Variants in DUSP29 observed in about 807,000 individuals in gnomAD.
DUSP29 encodes dual specificity phosphatase 29.
In DUSP29, 12 loss-of-function variants were observed where a neutral mutation model predicts 13.5. That is an observed-to-expected ratio of 0.89 (90% CI 0.57 to 1.44). DUSP29 has a LOEUF of 1.44. Ranked by LOEUF, DUSP29 falls within the 40% of genes most tolerant of loss-of-function variation. The pLI is 0.00. For missense variants in DUSP29, 308 were observed against 301.1 expected (o/e 1.02, Z -0.17); for synonymous variants, 134 against 128.7 (o/e 1.04, Z -0.28).
chr10:75,065,417 C>T (rs184607516), intron 1 of DUSP29, among the ~76,000 whole-genome samples: 1 of 151,750 alleles, frequency 6.6e-6, no homozygotes, highest in Admixed American at 6.6e-5. Context: ...CAGGCTGGAG[C>T]TCACGGGTTC....
At chr10:75,042,130 T>C (rs1846598048) in intron 3 of DUSP29, among the ~76,000 whole-genome samples, 1 of 152,272 alleles carries the variant, frequency 6.6e-6, no homozygotes. Context: ...CCAGGTTCTA[T>C]GCTAAGCGCT....
intron 1 of DUSP29, among the ~76,000 whole-genome samples, chr10:75,071,186 G>T (rs940538271): frequency 6.6e-6 from 1 of 152,252 alleles, no homozygotes; most frequent in Non-Finnish European, 1.5e-5. Context: ...TAGTATTTGT[G>T]TCTCCGTGTC....
intron 1 of DUSP29, among the ~76,000 whole-genome samples, chr10:75,072,411 C>G (rs1056029954): frequency 3.9e-5 from 6 of 152,162 alleles, no homozygotes; most frequent in Admixed American, 2.6e-4. Flanking sequence ...GTCGCATGCC[C>G]TGTGAGAGGG....
At chr10:75,054,222 A>G (rs2134293149) in intron 2 of DUSP29, among the ~76,000 whole-genome samples, 1 of 152,356 alleles carries the variant, frequency 6.6e-6, no homozygotes, top group Middle Eastern at 3.4e-3. Context: ...AGACAGTTTA[A>G]GTCTTAAAAT....
chr10:75,047,358 C>T (rs1254784401), intron 2 of DUSP29, among the ~76,000 whole-genome samples: 1 of 152,212 alleles, frequency 6.6e-6, no homozygotes, highest in African/African-American at 2.4e-5. Flanking sequence ...ATCACAGACA[C>T]CCATCGTCCA....
chr10:75,048,431 C>T (rs947865049), intron 2 of DUSP29, among the ~76,000 whole-genome samples: 2 of 146,368 alleles, frequency 1.4e-5, no homozygotes, highest in South Asian at 4.4e-4. Context: ...CTCGCTCTGT[C>T]GCCCAGGCTG....
At chr10:75,042,388 T>G (rs919054454) in intron 3 of DUSP29, among the ~76,000 whole-genome samples, 2 of 152,262 alleles carry the variant, frequency 1.3e-5, no homozygotes, top group African/African-American at 2.4e-5. Context: ...CTTTGTTTTT[T>G]TCATGTCAAA....
chr10:75,038,894 G>A (rs1393527639), intron 3 of DUSP29, among the ~76,000 whole-genome samples: 2 of 152,162 alleles, frequency 1.3e-5, no homozygotes, highest in African/African-American at 4.8e-5. Flanking sequence ...TGAGGTGGGC[G>A]GATCACTTGA....
intron 1 of DUSP29, among the ~76,000 whole-genome samples, chr10:75,072,296 T>A (rs1451934994): frequency 1.3e-5 from 2 of 152,096 alleles, no homozygotes; most frequent in African/African-American, 4.8e-5. Flanking sequence ...CTGTAAACAT[T>A]CACCCCTAGA....
At chr10:75,067,843 C>T (rs1328604617) in intron 1 of DUSP29, among the ~76,000 whole-genome samples, 2 of 151,946 alleles carry the variant, frequency 1.3e-5, no homozygotes, top group African/African-American at 4.8e-5. Flanking sequence ...AACAGAGTCT[C>T]ACTCTGTCGC....
At chr10:75,056,468 C>T (rs1846960112) in intron 2 of DUSP29, among the ~76,000 whole-genome samples, 3 of 149,490 alleles carry the variant, frequency 2.0e-5, no homozygotes, top group Admixed American at 2.0e-4. Context: ...GTGGAGGTTG[C>T]AGTGAGCCGA....
In DUSP29 at chr10:75,043,785, C is replaced by CG. The variant is rs751316440; in HGVS notation, c.421+11dup. 6 of 1,607,294 alleles carry CG rather than the reference C, an allele frequency of 3.7e-6. 1 individual carries two copies. In the African/African-American group the frequency reaches 8.0e-5, roughly 21 times the overall value. Reference sequence around the variant, plus strand: ...GGCGGGGCCGATCGGGGCGGGGCCGCGGGTCTCTTACTGTGGTCGTCGCTT... The same window carrying CG: ...GGCGGGGCCGATCGGGGCGGGGCCGCGGGGTCTCTTACTGTGGTCGTCGCTT... On this transcript the variant is annotated intron_variant, in intron 3 of 3. Transcript: ENST00000338487.
At chr10:75,069,370 A>C (rs542457635) in intron 1 of DUSP29, among the ~76,000 whole-genome samples, 1 of 152,300 alleles carries the variant, frequency 6.6e-6, no homozygotes, top group Non-Finnish European at 1.5e-5. Context: ...TGGTTCCTGA[A>C]TCCTAAGCAG....
intron 2 of DUSP29, among the ~76,000 whole-genome samples, 161 bp from the exon 3 acceptor site, chr10:75,044,178 G>A (rs1310886137): frequency 6.6e-6 from 1 of 152,248 alleles, no homozygotes; most frequent in East Asian, 1.9e-4. Flanking sequence ...GGTCCCCTAG[G>A]CCACCTGCAC....
At chr10:75,072,147 A>C (rs1300947580) in intron 1 of DUSP29, among the ~76,000 whole-genome samples, 1 of 152,198 alleles carries the variant, frequency 6.6e-6, no homozygotes, top group Non-Finnish European at 1.5e-5. Context: ...CCCCTACACC[A>C]AGGCAAGAAA....
At chr10:75,049,595 A>G (rs551051596) in intron 2 of DUSP29, among the ~76,000 whole-genome samples, 3 of 152,352 alleles carry the variant, frequency 2.0e-5, no homozygotes, top group African/African-American at 7.2e-5. Context: ...TATTTCAGGT[A>G]ACGCCCAGCA....
intron 3 of DUSP29, 103 bp from the exon 4 acceptor site, chr10:75,038,180 A>G: frequency 2.1e-6 from 3 of 1,458,838 alleles, no homozygotes; most frequent in Non-Finnish European, 2.7e-6. Flanking sequence ...CGCCCACAGA[A>G]AGTGACTCAG....
intron 3 of DUSP29, among the ~76,000 whole-genome samples, chr10:75,042,866 A>G (rs143592545): frequency 1.3e-5 from 2 of 152,376 alleles, no homozygotes; most frequent in African/African-American, 4.8e-5. Context: ...TGTGTGACAC[A>G]TTGGGCTGAA....
rs199910257 is a variant in DUSP29 at position 75,037,870 on chromosome 10, T to C, written c.629A>G (p.Gln210Arg). 1.1e-5 allele frequency: 18 copies of C among 1,611,562 alleles called. No individual in the cohort carries two copies. The East Asian group carries it at 3.6e-4, about 32-fold the overall frequency. The change falls in exon 4 of 4, where the codon CAG (glutamine) becomes CGG (arginine). Residue 210 changes from glutamine (Q) to arginine (R), a missense_variant. Gln to Arg is a conservative substitution (Grantham distance 43). Coordinates refer to ENST00000338487, the MANE Select transcript of DUSP29 (RefSeq NM_001003892.3). ...LVQQRRRSQR[Q>R]DGEEEDGREL Reference sequence around the variant, plus strand: ...CCTGCCATCCTCCTCCTCACCGTCCTGGCGCTGGGACCGTCGCCTCTGCTG... The same window carrying C: ...CCTGCCATCCTCCTCCTCACCGTCCCGGCGCTGGGACCGTCGCCTCTGCTG...
Sources: gnomAD v4.1 joint callset for allele counts (sites outside exome capture counted in the v4.1 genomes callset) on GRCh38, gnomAD v4.1.1 for gene constraint, MANE v1.5 for transcripts, NCBI Gene and HGNC (gene_info 2026-07-23, HGNC 2026-07-21) for gene names.